Variants in AGMO observed in about 807,000 individuals in gnomAD.
AGMO encodes the protein alkylglycerol monooxygenase.
In AGMO, 75 loss-of-function variants were observed where a neutral mutation model predicts 60.2. The ratio of observed to expected loss-of-function variants is 1.25; its 90% confidence interval spans 1.03 to 1.51. The LOEUF (loss-of-function observed/expected upper bound fraction) is 1.51, where lower values mean the gene tolerates loss of function less well. Among genes scored for constraint, AGMO ranks in the 40% most tolerant of loss-of-function variants. The pLI is 0.00. For missense variants in AGMO, 763 were observed against 525.5 expected, an observed-to-expected ratio of 1.45 and a Z score of -4.42; for synonymous variants, 261 against 177.1, an observed-to-expected ratio of 1.47 and a Z score of -3.76.
At chr7:15,310,219 C>A (rs1196803399) in intron 12 of AGMO, among the ~76,000 whole-genome samples, 1 of 152,054 alleles carries the variant, frequency 6.6e-6, no homozygotes, top group Non-Finnish European at 1.5e-5. Flanking sequence ...TAAACAAATG[C>A]AAAAGTGCTC....
chr7:15,250,374 T>C (rs764909553), intron 12 of AGMO, among the ~76,000 whole-genome samples: 7 of 152,160 alleles, frequency 4.6e-5, no homozygotes, highest in Non-Finnish European at 1.0e-4. Flanking sequence ...AACAGTAAAG[T>C]AGCAAAACGT....
intron 12 of AGMO, among the ~76,000 whole-genome samples, chr7:15,335,345 A>G (rs950403153): frequency 2.0e-5 from 3 of 152,152 alleles, no homozygotes; most frequent in East Asian, 3.8e-4. Context: ...CAGCAAACTC[A>G]TATTACTCTT....
At chr7:15,376,767 G>A (rs1405150886) in intron 10 of AGMO, among the ~76,000 whole-genome samples, 1 of 151,918 alleles carries the variant, frequency 6.6e-6, no homozygotes, top group Non-Finnish European at 1.5e-5. Context: ...CCCAGGAAGT[G>A]GACACTGGCA....
intron 3 of AGMO, among the ~76,000 whole-genome samples, chr7:15,462,836 A>T (rs1191934678): frequency 6.6e-6 from 1 of 152,190 alleles, no homozygotes. Flanking sequence ...TGAGTCAGTG[A>T]ACAAAGTAGA....
chr7:15,324,650 C>T (rs1475173335), intron 12 of AGMO, among the ~76,000 whole-genome samples: 1 of 152,076 alleles, frequency 6.6e-6, no homozygotes, highest in African/African-American at 2.4e-5. Flanking sequence ...TCATGGAAGG[C>T]AATTTTCCCA....
intron 12 of AGMO, among the ~76,000 whole-genome samples, chr7:15,310,345 G>C (rs1305865083): frequency 1.3e-5 from 2 of 152,002 alleles, no homozygotes; most frequent in Non-Finnish European, 2.9e-5. Context: ...TGACTCTGGA[G>C]TAAGGGGCCC....
chr7:15,187,906 CG>C, the AGMO span, among the ~76,000 whole-genome samples: 1 of 148,334 alleles, frequency 6.7e-6, no homozygotes, highest in African/African-American at 2.4e-5. Context: ...AACTCCCCCC[CG>C]ACTGCCCATG....
chr7:15,227,436 G>GACA lies in AGMO; in HGVS notation c.1264-26080_1264-26078dup, dbSNP rs559682494. On this transcript the variant is annotated intron_variant, in intron 12 of 12. Coordinates refer to ENST00000342526, the MANE Select transcript of AGMO (RefSeq NM_001004320.2). ...TTAAACAAACAAATATATCAACAAT[G>GACA]ACAACAACAACAACAACAAAATGGT... 1.9e-3 allele frequency among the ~76,000 whole-genome samples: 282 copies of GACA among 149,482 alleles called. 1 individual carries two copies. Among genetic ancestry groups the GACA allele is most frequent in the African/African-American group, 6.2e-3 (253 of 40,610 alleles).
intron 12 of AGMO, among the ~76,000 whole-genome samples, chr7:15,267,757 C>T (rs1356483590): frequency 6.6e-6 from 1 of 151,794 alleles, no homozygotes; most frequent in African/African-American, 2.4e-5. Context: ...ATTACACAAG[C>T]TGAAGGGAAA....
intron 3 of AGMO, among the ~76,000 whole-genome samples, chr7:15,464,967 A>G (rs1782239380): frequency 6.6e-6 from 1 of 152,220 alleles, no homozygotes; most frequent in Non-Finnish European, 1.5e-5. Flanking sequence ...AGCACAGACC[A>G]GAAGTCAATG....
chr7:15,517,655 G>A (rs1471455884), intron 3 of AGMO, among the ~76,000 whole-genome samples: 1 of 152,030 alleles, frequency 6.6e-6, no homozygotes, highest in Non-Finnish European at 1.5e-5. Context: ...CTTTTCCCAT[G>A]GTCTTCGCAA....
At chr7:15,399,122 C>A (rs1163501061) in intron 5 of AGMO, among the ~76,000 whole-genome samples, 1 of 152,032 alleles carries the variant, frequency 6.6e-6, no homozygotes, top group Non-Finnish European at 1.5e-5. Flanking sequence ...CTCCTTTGGT[C>A]TCTGAAGCAA....
intron 12 of AGMO, among the ~76,000 whole-genome samples, chr7:15,220,030 G>A (rs1306940738): frequency 1.3e-5 from 2 of 151,896 alleles, no homozygotes; most frequent in Non-Finnish European, 2.9e-5. Flanking sequence ...ACCCGTCCTT[G>A]AAGGCAGGCC....
At chr7:15,362,231 T>A (rs1341265527) in intron 12 of AGMO, among the ~76,000 whole-genome samples, 2 of 152,280 alleles carry the variant, frequency 1.3e-5, no homozygotes, top group South Asian at 4.1e-4. Context: ...AACACAGATT[T>A]GAAATTCATA....
chr7:15,389,119 CT>C (rs1311993421), intron 8 of AGMO, among the ~76,000 whole-genome samples: 5 of 152,178 alleles, frequency 3.3e-5, no homozygotes. Context: ...CTCCCAAAGC[CT>C]TGCTTCTGAA....
intron 3 of AGMO, among the ~76,000 whole-genome samples, chr7:15,480,777 C>T (rs1471137909): frequency 6.6e-6 from 1 of 152,004 alleles, no homozygotes; most frequent in Non-Finnish European, 1.5e-5. Flanking sequence ...AAAGCACCTG[C>T]CACTGCTACA....
chr7:15,184,312 AG>A, the AGMO span, among the ~76,000 whole-genome samples: 186 of 113,082 alleles, frequency 1.6e-3, 49 homozygotes, highest in Non-Finnish European at 2.2e-3. Context: ...GCAGGGAGGG[AG>A]GGAAGGAGGG....
chr7:15,406,377 T>C lies in AGMO; in HGVS notation c.609+12181A>G, dbSNP rs549307242. Among the ~76,000 whole-genome samples the C allele has an allele frequency of 4.5e-3, 645 of 142,846 alleles. 2 individuals carry two copies. The highest frequency in any genetic ancestry group is 7.0e-3 in the Non-Finnish European group (461 of 65,924). 93.7% of individuals were successfully genotyped at this position (142,846 alleles called of 152,430 possible). Reference sequence around the variant, plus strand: ...ATATATGTATATACACACATACATATGAATATACATATATATGTATTCCAT... The same window carrying C: ...ATATATGTATATACACACATACATACGAATATACATATATATGTATTCCAT... On this transcript the variant is annotated intron_variant, in intron 5 of 12. Transcript: ENST00000342526.
chr7:15,222,722 C>T (rs958004105), intron 12 of AGMO, among the ~76,000 whole-genome samples: 9 of 151,978 alleles, frequency 5.9e-5, no homozygotes. Flanking sequence ...TTTCAATTTT[C>T]CACATATATT....
Sources: allele counts gnomAD v4.1 joint callset (sites outside exome capture counted in the v4.1 genomes callset), GRCh38; gene constraint gnomAD v4.1.1; transcripts MANE v1.5; gene names NCBI Gene and HGNC (gene_info 2026-07-23, HGNC 2026-07-21).